VTCN1: variants seen among roughly 807,000 people sequenced by gnomAD.
VTCN1 encodes V-set domain containing T cell activation inhibitor 1, also known as V-set domain-containing T-cell activation inhibitor 1.
A neutral mutation model predicts 26.5 loss-of-function variants in VTCN1; 26 were observed. The ratio of observed to expected loss-of-function variants is 0.98; its 90% CI spans 0.72 to 1.36. The LOEUF is 1.36. VTCN1 is among the 40% of genes most tolerant of loss of function. The probability of loss-of-function intolerance (pLI) is 0.00; values close to 1 mark genes in which losing one functional copy is unlikely to be tolerated. For synonymous variants in VTCN1, 116 were observed against 130.7 expected, an observed-to-expected ratio of 0.89 and a Z score of 0.77; for missense variants, 298 against 337.7, an observed-to-expected ratio of 0.88 and a Z score of 0.92.
At position 117,158,285 on chromosome 1, in the gene VTCN1, C is replaced by T. The variant is rs189559747; in HGVS notation, c.98-1364G>A. On this transcript the variant is annotated intron_variant, in intron 2 of 5. Transcript: ENST00000369458. ...TAGCAGAAGTTCTCCATGAGAGCCC[C>T]ACTCCTGCAGCAATCTTCTGCCTGG... 5.9e-5 allele frequency among the ~76,000 whole-genome samples: 9 copies of T among 152,318 alleles called. No individual in the cohort carries two copies. The East Asian group carries it at 1.7e-3, about 29-fold the overall frequency.
chr1:117,210,272 A>G (rs1227076890), intron 1 of VTCN1, among the ~76,000 whole-genome samples: 1 of 151,972 alleles, frequency 6.6e-6, no homozygotes, highest in East Asian at 1.9e-4. Context: ...AGCTCCTAGG[A>G]AAACTAGGGA....
At chr1:117,206,626 C>T (rs182023346) in intron 1 of VTCN1, among the ~76,000 whole-genome samples, 6 of 151,698 alleles carry the variant, frequency 4.0e-5, no homozygotes, top group Non-Finnish European at 7.4e-5. Context: ...CCTCAAGGAG[C>T]GAACCCTGGT....
chr1:117,205,932 C>T (rs1649032388), intron 1 of VTCN1, among the ~76,000 whole-genome samples: 1 of 152,088 alleles, frequency 6.6e-6, no homozygotes, highest in East Asian at 1.9e-4. Context: ...TCAGCAGTGC[C>T]TCATCAGAGA....
At chr1:117,173,426 C>G (rs895549799) in intron 1 of VTCN1, among the ~76,000 whole-genome samples, 2 of 151,750 alleles carry the variant, frequency 1.3e-5, no homozygotes, top group Non-Finnish European at 2.9e-5. Context: ...ATCTACAACT[C>G]AAGGAACACC....
At chr1:117,206,928 G>T (rs1446626142) in intron 1 of VTCN1, among the ~76,000 whole-genome samples, 5 of 152,166 alleles carry the variant, frequency 3.3e-5, no homozygotes, top group Non-Finnish European at 1.5e-5. Context: ...CCTGTTCACG[G>T]GATGGACTCA....
intron 1 of VTCN1, among the ~76,000 whole-genome samples, chr1:117,195,802 A>T (rs1220213650): frequency 1.3e-5 from 2 of 152,200 alleles, no homozygotes; most frequent in Non-Finnish European, 2.9e-5. Context: ...CTAGGAATTT[A>T]TTCTACAGAA....
At chr1:117,180,780 T>G (rs1052579090) in intron 1 of VTCN1, among the ~76,000 whole-genome samples, 4 of 152,108 alleles carry the variant, frequency 2.6e-5, no homozygotes, top group Admixed American at 6.5e-5. Context: ...GGCATCCCCT[T>G]GCTCTCCCCG....
chr1:117,152,940 C>T, intron 4 of VTCN1, 151 bp downstream of exon 4: 1 of 895,106 alleles, frequency 1.1e-6, no homozygotes, highest in South Asian at 1.8e-5. Flanking sequence ...TTATGTAATA[C>T]AATCTCAACT....
At chr1:117,203,578 A>C in intron 1 of VTCN1, 5 of 984,056 alleles carry the variant, frequency 5.1e-6, no homozygotes, top group Non-Finnish European at 6.0e-6. Context: ...TGGGATTGTG[A>C]AAAGCGCACA....
At chr1:117,210,392 T>C (rs1477090823) in intron 1 of VTCN1, among the ~76,000 whole-genome samples, 1 of 152,188 alleles carries the variant, frequency 6.6e-6, no homozygotes, top group East Asian at 1.9e-4. Flanking sequence ...TCCGTCCCCC[T>C]GGGGGCTGCA....
In VTCN1 at chr1:117,147,565, C is replaced by G. The variant is rs879204354; in HGVS notation, c.*45+48G>C. 6.6e-7 allele frequency: 1 copy of G among 1,507,866 alleles called. No homozygotes were observed. The highest frequency in any genetic ancestry group is 1.3e-5 in the South Asian group (1 of 78,096). 93.4% of individuals were successfully genotyped at this position (1,507,866 alleles called of 1,614,324 possible). On this transcript the variant is annotated intron_variant, in intron 5 of 5. Transcript: ENST00000369458. The surrounding 1 kb of genome is among the most constrained non-coding windows in gnomAD (Gnocchi z 4.6). ...GGCTATCCGACTCTCATTAGGAGCACAAGCACCCACAGAACCAATATCCCA... is the reference window on the plus strand; with the variant it reads ...GGCTATCCGACTCTCATTAGGAGCAGAAGCACCCACAGAACCAATATCCCA...
rs6664759 is a variant in VTCN1 at position 117,144,292 on chromosome 1, C to T, written c.*979G>A. 0.76 allele frequency: 115,604 copies of T among 152,086 alleles called. 44,120 individuals are homozygous for T. Among genetic ancestry groups the T allele is most frequent in the East Asian group, 0.88 (4,512 of 5,156 alleles). The allele number at this position is 152,086 out of a possible 1,614,324, so 9.4% of individuals were successfully genotyped here. The stretch of plus-strand genomic sequence containing the variant: ...GGAGGTTGAGCAGCATCCCTGGCCT[C>T]TATCCACTAGTTGGTAGTAGCACTG... On this transcript the variant is annotated 3_prime_UTR_variant, in exon 6 of 6. Transcript: ENST00000369458.
intron 1 of VTCN1, among the ~76,000 whole-genome samples, chr1:117,174,748 A>G (rs1449208514): frequency 1.3e-5 from 2 of 152,204 alleles, no homozygotes; most frequent in Non-Finnish European, 2.9e-5. Flanking sequence ...ATTTAAACCC[A>G]GGGGAAACAG....
chr1:117,173,063 CA>C, intron 1 of VTCN1: 1 of 686,764 alleles, frequency 1.5e-6, no homozygotes, highest in Non-Finnish European at 2.7e-6. Flanking sequence ...TGAGCTGTAA[CA>C]CTTACCGTGA....
chr1:117,195,573 T>A (rs1288513326), intron 1 of VTCN1, among the ~76,000 whole-genome samples: 1 of 152,190 alleles, frequency 6.6e-6, no homozygotes, highest in Non-Finnish European at 1.5e-5. Flanking sequence ...ATGGTAATGT[T>A]AAATTAAAAT....
intron 1 of VTCN1, among the ~76,000 whole-genome samples, chr1:117,192,325 T>C (rs1570982745): frequency 6.6e-6 from 1 of 152,070 alleles, no homozygotes; most frequent in African/African-American, 2.4e-5. Flanking sequence ...GAAGGACAGA[T>C]GAAGATATTC....
chr1:117,188,505 A>G (rs904965331), intron 1 of VTCN1, among the ~76,000 whole-genome samples: 2 of 152,204 alleles, frequency 1.3e-5, no homozygotes, highest in Non-Finnish European at 2.9e-5. Flanking sequence ...TTCATCATGT[A>G]TTTCTATATG....
intron 1 of VTCN1, among the ~76,000 whole-genome samples, chr1:117,198,086 A>G (rs1648605981): frequency 6.6e-6 from 1 of 152,132 alleles, no homozygotes. Context: ...CTTCAACCTT[A>G]CTCAGCTACA....
chr1:117,188,710 T>C (rs1648089251), intron 1 of VTCN1, among the ~76,000 whole-genome samples: 1 of 152,172 alleles, frequency 6.6e-6, no homozygotes, highest in Non-Finnish European at 1.5e-5. Context: ...CCAAAATATG[T>C]CCATGACACA....
Sources: allele counts gnomAD v4.1 joint callset (sites outside exome capture counted in the v4.1 genomes callset), GRCh38; gene constraint gnomAD v4.1.1; non-coding constraint Gnocchi (gnomAD v3.1); transcripts MANE v1.5; gene names NCBI Gene and HGNC (gene_info 2026-07-23, HGNC 2026-07-21).